WDR44: variants seen among roughly 807,000 people sequenced by gnomAD.
WDR44 encodes WD repeat domain 44, also known as WD repeat-containing protein 44.
A neutral mutation model predicts 65.7 loss-of-function variants in WDR44; 9 were observed. The observed-to-expected ratio is 0.14, with a 90% CI of 0.08 to 0.24. WDR44 has a LOEUF of 0.24. Among genes scored for constraint, WDR44 ranks in the 10% least tolerant of loss-of-function variants. WDR44 has a pLI of 1.00. For missense variants in WDR44, 425 were observed against 670.9 expected, an observed-to-expected ratio of 0.63 and a Z score of 4.05; for synonymous variants, 220 against 235.2, an observed-to-expected ratio of 0.94 and a Z score of 0.59.
chrX:118,418,243 T>TAA (rs906343346), intron 12 of WDR44, among the ~76,000 whole-genome samples: 7 of 111,495 alleles, frequency 6.3e-5, no homozygotes, highest in Admixed American at 1.9e-4. Flanking sequence ...GTGTGATTTT[T>TAA]CGGGGGTTGT....
chrX:118,414,990 A>C lies in WDR44; in HGVS notation c.1737+4031A>C, dbSNP rs777818720. ...GAGGGAATGCTTTCAATTTTTCCCC[A>C]TTCAGTATTATGTTGGCTGTGGGTT... On this transcript the variant is annotated intron_variant, in intron 12 of 19. Transcript: ENST00000254029. Among the ~76,000 whole-genome samples, 50 of 111,652 alleles carry C rather than the reference A, an allele frequency of 4.5e-4. No individual in the cohort carries two copies. The Admixed American group carries it at 4.5e-3, about 10-fold the overall frequency.
chrX:118,369,909 T>A (rs2056599493), intron 1 of WDR44, among the ~76,000 whole-genome samples: 1 of 112,664 alleles, frequency 8.9e-6, no homozygotes, highest in African/African-American at 3.2e-5. Flanking sequence ...TAGTATTTGA[T>A]CTGTAAGCCA....
chrX:118,386,172 AT>A (rs1308050663), intron 2 of WDR44, among the ~76,000 whole-genome samples: 1 of 111,427 alleles, frequency 9.0e-6, no homozygotes, highest in African/African-American at 3.3e-5. Context: ...TGAGTCCTTT[AT>A]CTGTCTAAAA....
At chrX:118,362,519 C>T (rs1016401870) in intron 1 of WDR44, among the ~76,000 whole-genome samples, 1 of 111,482 alleles carries the variant, frequency 9.0e-6, no homozygotes, top group African/African-American at 3.3e-5. Flanking sequence ...TATATACCTT[C>T]CTGCTTTTTG....
rs766666883 is a variant in WDR44, at chrX:118,442,598, C to T, written c.2302C>T (p.Leu768=). ...LVTSNDSRIR[L]YDLRDLSLSM... is the part of the protein sequence containing the mutation. ...AACCTCAAATGACTCCAGAATCAGA[C>T]TATATGATTTGAGAGATTTGTCACT... Residue 768 remains leucine (L), a synonymous_variant, in exon 17 of 20, where the codon CTA becomes TTA. Transcript: ENST00000254029. 1 of 1,210,593 alleles carries T rather than the reference C, an allele frequency of 8.3e-7. No homozygotes were observed. Among genetic ancestry groups the T allele is most frequent in the Non-Finnish European group, 1.1e-6 (1 of 894,684 alleles).
At chrX:118,408,329 A>G (rs2056984938) in intron 10 of WDR44, among the ~76,000 whole-genome samples, 1 of 111,321 alleles carries the variant, frequency 9.0e-6, no homozygotes, top group Non-Finnish European at 1.9e-5. Context: ...GATTCTGGTC[A>G]TATACTTTGA....
At chrX:118,382,712 T>G (rs917475235) in intron 2 of WDR44, among the ~76,000 whole-genome samples, 1 of 111,254 alleles carries the variant, frequency 9.0e-6, no homozygotes, top group African/African-American at 3.3e-5. Context: ...TGCAGGGGGG[T>G]TATAGACAGC....
chrX:118,414,287 G>T (rs1602944482), intron 12 of WDR44, among the ~76,000 whole-genome samples: 2 of 75,168 alleles, frequency 2.7e-5, no homozygotes, highest in Admixed American at 1.6e-4. Flanking sequence ...ATGTTCCATG[G>T]TTTTGTGTTT....
chrX:118,405,533 T>C (rs1053585556), intron 9 of WDR44, among the ~76,000 whole-genome samples: 2 of 110,348 alleles, frequency 1.8e-5, no homozygotes, highest in Non-Finnish European at 3.8e-5. Context: ...AGGGACAGGG[T>C]TTCACCATGT....
At chrX:118,352,202 G>A (rs1198988259) in intron 1 of WDR44, among the ~76,000 whole-genome samples, 2 of 95,427 alleles carry the variant, frequency 2.1e-5, no homozygotes, top group African/African-American at 7.8e-5. Context: ...AGGCTAGAGT[G>A]CAATGGTGCA....
intron 2 of WDR44, chrX:118,386,316 T>C: frequency 2.9e-6 from 1 of 342,659 alleles, no homozygotes; most frequent in East Asian, 8.4e-5. Flanking sequence ...GAGAAGAGTA[T>C]TGTATTGAGA....
At chrX:118,397,491 C>T (rs901427697) in intron 7 of WDR44, among the ~76,000 whole-genome samples, 1 of 110,832 alleles carries the variant, frequency 9.0e-6, no homozygotes, top group Non-Finnish European at 1.9e-5. Context: ...GAGACCTCAT[C>T]TCCACAAAAA....
intron 12 of WDR44, among the ~76,000 whole-genome samples, chrX:118,427,470 C>T (rs1395067479): frequency 9.2e-6 from 1 of 108,441 alleles, no homozygotes; most frequent in Non-Finnish European, 1.9e-5. Context: ...CGGGGTTTCA[C>T]CATGTTAGCC....
At chrX:118,410,495 T>A (rs997164967) in intron 11 of WDR44, among the ~76,000 whole-genome samples, 6 of 111,780 alleles carry the variant, frequency 5.4e-5, no homozygotes, top group African/African-American at 1.6e-4. Context: ...TAGTCCTAGC[T>A]GTGTGTCATT....
At chrX:118,352,352 ATTTTTTTTTT>A (rs556374639) in intron 1 of WDR44, among the ~76,000 whole-genome samples, 2 of 14,218 alleles carry the variant, frequency 1.4e-4, no homozygotes, top group African/African-American at 7.4e-4. Context: ...ATATATATAT[ATTTTTTTTTT>A]TTTTTTTTTT....
intron 2 of WDR44, among the ~76,000 whole-genome samples, chrX:118,384,756 C>A (rs5956962): frequency 0.43 from 47,986 of 110,546 alleles, 10,819 homozygotes; most frequent in African/African-American, 0.86. Flanking sequence ...TAAGTCTATA[C>A]ATTGCCTTGG....
chrX:118,416,568 T>A (rs1007929071), intron 12 of WDR44, among the ~76,000 whole-genome samples: 2 of 111,557 alleles, frequency 1.8e-5, no homozygotes, highest in South Asian at 7.5e-4. Context: ...TAATTTCAAT[T>A]TTCTTAAATT....
intron 1 of WDR44, among the ~76,000 whole-genome samples, chrX:118,352,340 A>AT (rs2056416656): frequency 5.0e-5 from 1 of 19,861 alleles, no homozygotes; most frequent in African/African-American, 4.9e-4. Context: ...ATATATATAT[A>AT]TATATATATA....
chrX:118,400,826 C>G (rs370747052), intron 8 of WDR44, among the ~76,000 whole-genome samples: 8 of 100,465 alleles, frequency 8.0e-5, no homozygotes, highest in African/African-American at 2.2e-4. Flanking sequence ...CCACTCCCCC[C>G]ACCCCACCAC....
Sources: gnomAD v4.1 joint callset for allele counts (sites outside exome capture counted in the v4.1 genomes callset) on GRCh38, gnomAD v4.1.1 for gene constraint, MANE v1.5 for transcripts, NCBI Gene and HGNC (gene_info 2026-07-23, HGNC 2026-07-21) for gene names.